HIGD2A: variants seen among roughly 807,000 people sequenced by gnomAD.
HIGD2A encodes the protein HIG1 domain family member 2A, mitochondrial.
A neutral mutation model predicts 6.3 loss-of-function variants in HIGD2A; 4 were observed. That is an observed-to-expected ratio of 0.64 (90% CI 0.31 to 1.46). The LOEUF is 1.46. HIGD2A is among the 40% of genes most tolerant of loss of function. HIGD2A has a pLI of 0.07. For missense variants in HIGD2A, 143 were observed against 144.8 expected (o/e 0.99, Z 0.06); for synonymous variants, 63 against 59.3 (o/e 1.06, Z -0.29).
chr5:176,389,091 A>G, intron 1 of HIGD2A, 118 bp downstream of exon 1: 2 of 1,312,516 alleles, frequency 1.5e-6, no homozygotes, highest in Non-Finnish European at 2.1e-6. Context: ...AGAAGAGACG[A>G]GGGGGCGGGG....
intron 1 of HIGD2A, 42 bp from the exon 2 acceptor site, chr5:176,389,289 G>A (rs376340619): frequency 1.3e-6 from 2 of 1,585,522 alleles, no homozygotes; most frequent in African/African-American, 2.7e-5. Flanking sequence ...TGACCTGCGG[G>A]GCCCGACCTG....
chr5:176,388,811 G>C lies in HIGD2A; in HGVS notation c.-9G>C, dbSNP rs768193008. 1 of 1,612,690 alleles carries C rather than the reference G, an allele frequency of 6.2e-7. No homozygotes were observed. Among genetic ancestry groups the C allele is most frequent in the African/African-American group, 1.3e-5 (1 of 74,764 alleles). On this transcript the variant is annotated 5_prime_UTR_variant, in exon 1 of 2. Transcript: ENST00000274787. ...AGTCCCGATTTTCTCCTGCTGCTGT[G>C]GCCCGGACATGGCGACTCCCGGCCC...
chr5:176,388,802 T>A lies in HIGD2A; in HGVS notation c.-18T>A, dbSNP rs1756118667. The A allele has an allele frequency of 1.2e-6, 2 of 1,608,614 alleles. No homozygotes were observed. The highest frequency in any genetic ancestry group is 1.7e-6 in the Non-Finnish European group (2 of 1,177,894). On this transcript the variant is annotated 5_prime_UTR_variant, in exon 1 of 2. Coordinates refer to ENST00000274787, the MANE Select transcript of HIGD2A (RefSeq NM_138820.4). ...TGAGGTCGGAGTCCCGATTTTCTCCTGCTGCTGTGGCCCGGACATGGCGAC... is the reference window on the plus strand; with the variant it reads ...TGAGGTCGGAGTCCCGATTTTCTCCAGCTGCTGTGGCCCGGACATGGCGAC...
At chr5:176,389,270 A>G in intron 1 of HIGD2A, 61 bp from the exon 2 acceptor site, 2 of 1,551,292 alleles carry the variant, frequency 1.3e-6, no homozygotes, top group Non-Finnish European at 1.7e-6. Context: ...CGAGACCCAA[A>G]GCGGGGAATG....
At chr5:176,389,156 T>TG (rs1472306812) in intron 1 of HIGD2A, among the ~76,000 whole-genome samples, 175 bp from the exon 2 acceptor site, 1 of 151,932 alleles carries the variant, frequency 6.6e-6, no homozygotes, top group African/African-American at 2.4e-5. Flanking sequence ...GGGCGGGATT[T>TG]GGGGCCTAAG....
chr5:176,389,195 C>A, intron 1 of HIGD2A, 136 bp from the exon 2 acceptor site: 1 of 1,161,658 alleles, frequency 8.6e-7, no homozygotes, highest in Non-Finnish European at 1.2e-6. Flanking sequence ...CTAGGAAGAC[C>A]TCGACTCGAC....
In HIGD2A at chr5:176,388,907, A is replaced by T; in HGVS notation, c.88A>T (p.Arg30Trp). ...TGAGGGGCTGAGCCCCACTGTTTAC[A>T]GGAATCCAGAGAGTTTCAAGGAAAA... ...VIEGLSPTVY[R>W]NPESFKEKFV... Residue 30 changes from arginine (R) to tryptophan (W), a missense_variant, in exon 1 of 2, where the codon AGG becomes TGG. Physicochemically the swap from Arg to Trp is moderately radical, Grantham distance 101. Coordinates refer to ENST00000274787, the MANE Select transcript of HIGD2A (RefSeq NM_138820.4). 1 of 1,614,220 alleles carries T rather than the reference A, an allele frequency of 6.2e-7. No individual in the cohort carries two copies. Among genetic ancestry groups the T allele is most frequent in the South Asian group, 1.1e-5 (1 of 91,088 alleles).
In HIGD2A at chr5:176,388,816, G is replaced by A. The variant is rs1756121200; in HGVS notation, c.-4G>A. The A allele has an allele frequency of 6.2e-7, 1 of 1,613,270 alleles. No individual in the cohort carries two copies. The highest frequency in any genetic ancestry group is 8.5e-7 in the Non-Finnish European group (1 of 1,179,718). On this transcript the variant is annotated 5_prime_UTR_variant, in exon 1 of 2. Transcript: ENST00000274787. ...CGATTTTCTCCTGCTGCTGTGGCCC[G>A]GACATGGCGACTCCCGGCCCTGTGA...
At chr5:176,389,249 C>A in intron 1 of HIGD2A, 82 bp from the exon 2 acceptor site, 1 of 1,493,076 alleles carries the variant, frequency 6.7e-7, no homozygotes, top group South Asian at 1.3e-5. Flanking sequence ...GAGATCTTGG[C>A]TTTGGGGAAG....
chr5:176,389,567 C>T lies in HIGD2A; in HGVS notation c.*70C>T. 2 of 1,488,060 alleles carry T rather than the reference C, an allele frequency of 1.3e-6. No individual in the cohort carries two copies. The highest frequency in any genetic ancestry group is 2.6e-5 in the South Asian group (2 of 78,238). The allele number at this position is 1,488,060 out of a possible 1,614,324, so 92.2% of individuals were successfully genotyped here. A position where few individuals can be genotyped will look rare whatever the true frequency, so the allele number is the denominator to read the frequency against. On this transcript the variant is annotated 3_prime_UTR_variant, in exon 2 of 2. Coordinates refer to ENST00000274787, the MANE Select transcript of HIGD2A (RefSeq NM_138820.4). ...CCCAGGGAGCAACCACTGGCCCTAC[C>T]GTGGGACTTACTCCCTCCTCTCCTT...
Position 176,389,370 on chromosome 5 carries a change from AC to A in HIGD2A, c.195del (p.Ser66ProfsTer13). On this transcript the variant is annotated frameshift_variant, in exon 2 of 2. Transcript: ENST00000274787. LOFTEE classifies it high-confidence loss of function. ...GCGGCCGCCCTCACCTACGGCCTCT[AC>A]TCCTTCCACCGGGGCAACAGCCAGC... The part of the protein sequence containing the change: ...ATAAALTYGL[Y>X]SFHRGNSQRS... The A allele has an allele frequency of 6.2e-7, 1 of 1,613,222 alleles. No individual in the cohort carries two copies.
intron 1 of HIGD2A, 78 bp downstream of exon 1, chr5:176,389,051 C>T (rs979183695): frequency 2.1e-5 from 32 of 1,558,584 alleles, no homozygotes; most frequent in African/African-American, 2.7e-5. Flanking sequence ...GACCAGAGCG[C>T]TAGCGGGGAG....
chr5:176,389,717 T>G lies in HIGD2A; in HGVS notation c.*220T>G, dbSNP rs1349738629. The G allele has an allele frequency of 1.0e-5, 5 of 477,682 alleles. No homozygotes were observed. The highest frequency in any genetic ancestry group is 1.8e-5 in the Non-Finnish European group (5 of 270,512). The allele number at this position is 477,682 out of a possible 1,614,324, so 29.6% of individuals were successfully genotyped here. ...ACTTCTATTTGTGCCACATCTCCCC[T>G]CCACTCCCCTGCTTAATAAACTCTA... On this transcript the variant is annotated 3_prime_UTR_variant, in exon 2 of 2. Transcript: ENST00000274787.
chr5:176,388,756 T>A lies in HIGD2A; in HGVS notation c.-64T>A. ...CAATTTATTCGTTTCCCCGCCCCTT[T>A]CATGACCTTCACCGGGAGGCTGAGG... On this transcript the variant is annotated 5_prime_UTR_variant, in exon 1 of 2. Coordinates refer to ENST00000274787, the MANE Select transcript of HIGD2A (RefSeq NM_138820.4). 6.3e-7 allele frequency: 1 copy of A among 1,577,668 alleles called. No individual in the cohort carries two copies. Among genetic ancestry groups the A allele is most frequent in the East Asian group, 2.2e-5 (1 of 44,682 alleles).
Position 176,389,510 on chromosome 5 carries a change from G to T in HIGD2A, c.*13G>T. 1 of 1,602,296 alleles carries T rather than the reference G, an allele frequency of 6.2e-7. No homozygotes were observed. Among genetic ancestry groups the T allele is most frequent in the Non-Finnish European group, 8.5e-7 (1 of 1,173,370 alleles). ...GTCTCGACCCTAAGCCCAGGGTCTGGCCTTGAAAGCTCCGCAGAAATGATT... is the reference window on the plus strand; with the variant it reads ...GTCTCGACCCTAAGCCCAGGGTCTGTCCTTGAAAGCTCCGCAGAAATGATT... On this transcript the variant is annotated 3_prime_UTR_variant, in exon 2 of 2. Coordinates refer to ENST00000274787, the MANE Select transcript of HIGD2A (RefSeq NM_138820.4).
chr5:176,389,049 C>T (rs1756142196), intron 1 of HIGD2A, 76 bp downstream of exon 1: 3 of 1,561,382 alleles, frequency 1.9e-6, no homozygotes, highest in South Asian at 2.2e-5. Flanking sequence ...AGGACCAGAG[C>T]GCTAGCGGGG....
intron 1 of HIGD2A, 117 bp downstream of exon 1, chr5:176,389,090 G>T: frequency 2.2e-6 from 3 of 1,363,336 alleles, no homozygotes; most frequent in Non-Finnish European, 3.0e-6. Flanking sequence ...GAGAAGAGAC[G>T]AGGGGGCGGG....
Position 176,389,550 on chromosome 5 carries a change from G to A in HIGD2A, c.*53G>A, listed in dbSNP as rs762886796. 6.5e-7 allele frequency: 1 copy of A among 1,548,966 alleles called. No homozygotes were observed. Among genetic ancestry groups the A allele is most frequent in the South Asian group, 1.2e-5 (1 of 82,452 alleles). On this transcript the variant is annotated 3_prime_UTR_variant, in exon 2 of 2. Transcript: ENST00000274787. ...CAGAAATGATTCCAAAACCCAGGGA[G>A]CAACCACTGGCCCTACCGTGGGACT...
Position 176,389,322 on chromosome 5 carries a change from C to G in HIGD2A, c.155-9C>G, listed in dbSNP as rs771745832. 6.2e-7 allele frequency: 1 copy of G among 1,611,162 alleles called. No individual in the cohort carries two copies. The highest frequency in any genetic ancestry group is 8.5e-7 in the Non-Finnish European group (1 of 1,178,660). ...CTGCTGTTTCCCAGTTGCTTTGTCC[C>G]CTCCTCAGGTTGCCTGGCCACGGCG... On this transcript the variant is annotated splice_polypyrimidine_tract_variant and intron_variant, in intron 1 of 1. Transcript: ENST00000274787.
Sources: allele counts gnomAD v4.1 joint callset (sites outside exome capture counted in the v4.1 genomes callset), GRCh38; gene constraint gnomAD v4.1.1; transcripts MANE v1.5; gene names NCBI Gene and HGNC (gene_info 2026-07-23, HGNC 2026-07-21).